TTBK2: variants seen among roughly 807,000 people sequenced by gnomAD.
The protein encoded by TTBK2 is tau tubulin kinase 2.
TTBK2 carries 28 observed loss-of-function variants against 110.8 expected under a neutral mutation model. That is an observed-to-expected ratio of 0.25 (90% confidence interval 0.19 to 0.35). TTBK2 has a LOEUF of 0.35. Ranked by LOEUF, TTBK2 falls within the 10% of genes least tolerant of loss-of-function variation. The probability of loss-of-function intolerance (pLI) is 1.00; values close to 1 mark genes in which losing one functional copy is unlikely to be tolerated. For missense variants in TTBK2, 1,369 were observed against 1,500.3 expected (o/e 0.91, Z 1.45); for synonymous variants, 532 against 527.3 (o/e 1.01, Z -0.12).
intron 3 of TTBK2, among the ~76,000 whole-genome samples, chr15:42,852,430 C>A (rs1893756711): frequency 1.3e-5 from 2 of 152,164 alleles, no homozygotes; most frequent in Non-Finnish European, 2.9e-5. Flanking sequence ...CATTACAATA[C>A]AATGGGTATA....
intron 9 of TTBK2, chr15:42,800,342 T>C (rs1191442261): frequency 9.5e-6 from 4 of 422,872 alleles, no homozygotes; most frequent in Non-Finnish European, 1.8e-5. Flanking sequence ...CCTTATTCTT[T>C]ATGGCAATCA....
chr15:42,800,952 T>C (rs758716635), intron 9 of TTBK2: 3 of 739,520 alleles, frequency 4.1e-6, no homozygotes, highest in African/African-American at 1.7e-5. Context: ...AGGGACAGGC[T>C]GGGAGGGGCT....
At chr15:42,836,648 C>CCTT (rs1422317494) in intron 4 of TTBK2, among the ~76,000 whole-genome samples, 1 of 152,110 alleles carries the variant, frequency 6.6e-6, no homozygotes, top group African/African-American at 2.4e-5. Context: ...GTACCAGGAG[C>CCTT]CTTCCCATTT....
intron 12 of TTBK2, 45 bp from the exon 13 acceptor site, chr15:42,775,768 T>C: frequency 6.8e-7 from 1 of 1,472,220 alleles, no homozygotes; most frequent in South Asian, 1.2e-5. Context: ...TAAGGAAACA[T>C]TTATTATATA....
At chr15:42,792,817 G>A (rs139469783) in intron 10 of TTBK2, among the ~76,000 whole-genome samples, 1 of 152,184 alleles carries the variant, frequency 6.6e-6, no homozygotes, top group East Asian at 1.9e-4. Context: ...TACAAGTTAC[G>A]CTGAGGACAT....
Position 42,752,537 on chromosome 15 carries a change from C to T in TTBK2, c.2709G>A (p.Glu903=). The stretch of plus-strand genomic sequence containing the variant: ...TAGGGGTGATTTTCTCTCTCTTGCC[C>T]TCTTGGTGCAAAAAAGTAGAGAGGT... ...QGDLSTFLHQ[E]GKREKITPRN... Residue 903 remains glutamate (E), a synonymous_variant, in exon 14 of 15, where the codon GAG becomes GAA. Transcript: ENST00000267890. 2.5e-6 allele frequency: 4 copies of T among 1,614,118 alleles called. No homozygotes were observed. The highest frequency in any genetic ancestry group is 3.4e-6 in the Non-Finnish European group (4 of 1,180,032).
chr15:42,870,756 G>C (rs573394582), intron 3 of TTBK2, among the ~76,000 whole-genome samples: 1 of 151,332 alleles, frequency 6.6e-6, no homozygotes, highest in East Asian at 1.9e-4. Context: ...AGCTACTCAG[G>C]AGGCTGAGGC....
intron 3 of TTBK2, among the ~76,000 whole-genome samples, chr15:42,869,552 G>T (rs1270442981): frequency 6.6e-6 from 1 of 152,038 alleles, no homozygotes; most frequent in Non-Finnish European, 1.5e-5. Context: ...TTCATTTAAA[G>T]TTGAGGAAAA....
intron 1 of TTBK2, 53 bp from the exon 2 acceptor site, chr15:42,878,737 C>T: frequency 3.8e-6 from 6 of 1,572,942 alleles, no homozygotes; most frequent in Non-Finnish European, 4.3e-6. Flanking sequence ...AACTAATCAA[C>T]ACAAATAACA....
chr15:42,878,496 C>CACACAA (rs878948262), intron 2 of TTBK2, 53 bp downstream of exon 2: 52 of 1,314,804 alleles, frequency 4.0e-5, no homozygotes, highest in Middle Eastern at 3.8e-4. Flanking sequence ...TATGTATACA[C>CACACAA]ACACACACAC....
At chr15:42,920,847 C>T (rs114954873), upstream of TTBK2, 1 of 153,060 alleles carries the variant, frequency 6.5e-6, no homozygotes, top group Non-Finnish European at 1.5e-5. Flanking sequence ...CCCACCTGCC[C>T]TGCCAGCGCG....
chr15:42,869,062 T>G (rs1380562100), intron 3 of TTBK2, among the ~76,000 whole-genome samples: 1 of 151,836 alleles, frequency 6.6e-6, no homozygotes, highest in Non-Finnish European at 1.5e-5. Context: ...GAGAGAAGTG[T>G]TTTTTCTCTT....
At chr15:42,882,945 G>A (rs1337376810) in intron 1 of TTBK2, among the ~76,000 whole-genome samples, 3 of 152,158 alleles carry the variant, frequency 2.0e-5, no homozygotes, top group Admixed American at 6.5e-5. Flanking sequence ...CAGCAATGGA[G>A]GAAGAGCAAT....
rs1555429706 is a variant in TTBK2, at chr15:42,834,196, A to AGGC, written c.292-4119_292-4118insGCC. On this transcript the variant is annotated intron_variant, in intron 4 of 14. Coordinates refer to ENST00000267890, the MANE Select transcript of TTBK2 (RefSeq NM_173500.4). ...AAGACCCCATCTCAAAAAAAAAAAA[A>AGGC]GGGGGGGGGTGTATAAAAGGAAAGA... Among the ~76,000 whole-genome samples, 266 of 124,314 alleles carry AGGC rather than the reference A, an allele frequency of 2.1e-3. 11 individuals are homozygous for AGGC. The highest frequency in any genetic ancestry group is 8.4e-3 in the African/African-American group (250 of 29,772). The allele number at this position is 124,314 out of a possible 152,430, so 81.6% of individuals were successfully genotyped here.
At chr15:42,834,344 G>A (rs1892905287) in intron 4 of TTBK2, among the ~76,000 whole-genome samples, 1 of 152,092 alleles carries the variant, frequency 6.6e-6, no homozygotes, top group East Asian at 1.9e-4. Flanking sequence ...CCATCCACTT[G>A]AAAAGAATTA....
intron 9 of TTBK2, among the ~76,000 whole-genome samples, chr15:42,795,019 A>C (rs1350195000): frequency 6.6e-6 from 1 of 152,216 alleles, no homozygotes; most frequent in Non-Finnish European, 1.5e-5. Flanking sequence ...TCTGTTTTCG[A>C]GGGATACATA....
At chr15:42,849,601 C>T (rs189926173) in intron 3 of TTBK2, among the ~76,000 whole-genome samples, 1 of 152,084 alleles carries the variant, frequency 6.6e-6, no homozygotes, top group South Asian at 2.1e-4. Flanking sequence ...GGTATTTTTG[C>T]TTTAGCCAGT....
intron 1 of TTBK2, among the ~76,000 whole-genome samples, chr15:42,883,851 A>T (rs1249821729): frequency 1.3e-5 from 2 of 152,142 alleles, no homozygotes; most frequent in African/African-American, 2.4e-5. Flanking sequence ...TATGTAGGTT[A>T]AAGTGAATAT....
intron 9 of TTBK2, chr15:42,802,196 G>A: frequency 9.1e-7 from 1 of 1,095,054 alleles, no homozygotes; most frequent in Non-Finnish European, 1.4e-6. Flanking sequence ...AGAGGGCTCA[G>A]CAGGCTTTGG....
Sources: gnomAD v4.1 joint callset for allele counts (sites outside exome capture counted in the v4.1 genomes callset) on GRCh38, gnomAD v4.1.1 for gene constraint, MANE v1.5 for transcripts, NCBI Gene and HGNC (gene_info 2026-07-23, HGNC 2026-07-21) for gene names.